Variants in CERS3 observed in about 807,000 individuals in gnomAD.
The protein encoded by CERS3 is ceramide synthase 3, also known as LAG1 homolog, ceramide synthase 3.
In CERS3, 33 loss-of-function variants were observed where a neutral mutation model predicts 50.3. The ratio of observed to expected loss-of-function variants is 0.66; its 90% CI spans 0.50 to 0.88. CERS3 has a LOEUF of 0.88. Ranked by LOEUF, CERS3 falls within the 40% of genes least tolerant of loss-of-function variation. The pLI is 0.00. For missense variants in CERS3, 470 were observed against 460.3 expected (o/e 1.02, Z -0.19); for synonymous variants, 176 against 155.2 (o/e 1.13, Z -0.99).
At position 100,469,422 on chromosome 15, in the gene CERS3, G is replaced by A. The variant is rs2034890106; in HGVS notation, c.801C>T (p.Phe267=). The A allele has an allele frequency of 1.1e-5, 18 of 1,613,910 alleles. No homozygotes were observed. The highest frequency in any genetic ancestry group is 1.4e-5 in the Non-Finnish European group (17 of 1,179,940). The change falls in exon 10 of 12, where the codon TTC becomes TTT. Residue 267 remains phenylalanine (F), a synonymous_variant. Coordinates refer to ENST00000679737, the MANE Select transcript of CERS3 (RefSeq NM_001378789.1). ...GGCGGCTGATGAAAAATATGGTGGA[G>A]AAGATGAAAAACAGGGTGTTACAGG... ...TQTCNTLFFI[F]STIFFISRLI...
chr15:100,512,128 A>G (rs1226235944), intron 2 of CERS3, among the ~76,000 whole-genome samples: 2 of 152,136 alleles, frequency 1.3e-5, no homozygotes, highest in Admixed American at 6.5e-5. Context: ...GAGGAGCATC[A>G]TGAGTCTTTG....
chr15:100,440,498 C>A (rs1303147196), intron 11 of CERS3, among the ~76,000 whole-genome samples: 1 of 152,242 alleles, frequency 6.6e-6, no homozygotes, highest in Non-Finnish European at 1.5e-5. Flanking sequence ...CCCCTATCTC[C>A]CTTCACTGAC....
chr15:100,533,661 G>A (rs1386532924), upstream of CERS3, among the ~76,000 whole-genome samples: 10 of 148,274 alleles, frequency 6.7e-5, no homozygotes, highest in African/African-American at 2.0e-4. Flanking sequence ...GGGTTGAAGC[G>A]ATTCTCCTGC....
intron 11 of CERS3, among the ~76,000 whole-genome samples, chr15:100,430,500 CTG>C (rs2033071854): frequency 6.6e-6 from 1 of 152,150 alleles, no homozygotes. Flanking sequence ...AATCATAGTG[CTG>C]TGTTTTTGAA....
At chr15:100,458,423 A>T (rs1250023777) in intron 10 of CERS3, among the ~76,000 whole-genome samples, 1 of 151,906 alleles carries the variant, frequency 6.6e-6, no homozygotes, top group Non-Finnish European at 1.5e-5. Flanking sequence ...CATATCTACT[A>T]AAAAATATAA....
intron 11 of CERS3, among the ~76,000 whole-genome samples, chr15:100,434,697 C>T (rs2033307990): frequency 6.6e-6 from 1 of 152,080 alleles, no homozygotes; most frequent in African/African-American, 2.4e-5. Context: ...AGCTCTCTGG[C>T]CTAAGAACAC....
chr15:100,538,059 C>T (rs770220064), intron 1 of CERS3, among the ~76,000 whole-genome samples: 12 of 152,220 alleles, frequency 7.9e-5, no homozygotes, highest in Non-Finnish European at 1.5e-4. Flanking sequence ...GCAGTTAAAT[C>T]TTAAAGTTCC....
At chr15:100,511,220 C>T (rs1224424421) in intron 2 of CERS3, among the ~76,000 whole-genome samples, 3 of 151,978 alleles carry the variant, frequency 2.0e-5, no homozygotes, top group South Asian at 2.1e-4. Flanking sequence ...ACCCTGGAGG[C>T]GGAGGTTGTA....
chr15:100,445,443 C>T (rs942896351), intron 11 of CERS3, among the ~76,000 whole-genome samples: 2 of 152,212 alleles, frequency 1.3e-5, no homozygotes, highest in South Asian at 2.1e-4. Flanking sequence ...CCTCCTTTGG[C>T]ACTCTCTAAT....
chr15:100,402,730 C>T lies in CERS3; in HGVS notation c.1135G>A (p.Gly379Ser). 1 of 1,614,140 alleles carries T rather than the reference C, an allele frequency of 6.2e-7. No individual in the cohort carries two copies. Among genetic ancestry groups the T allele is most frequent in the Non-Finnish European group, 8.5e-7 (1 of 1,180,032 alleles). ...GCTTCCAGCTAATGGCCATGCTGGC[C>T]ATTGGGAATGAGGTGCCTCTCAGCC... The part of the protein sequence containing the change: ...LRAERHLIPN[G>S]QHGH The change falls in exon 12 of 12, where the codon GGC (glycine) becomes AGC (serine). Residue 379 changes from glycine (G) to serine (S), a missense_variant. Coordinates refer to ENST00000679737, the MANE Select transcript of CERS3 (RefSeq NM_001378789.1).
intron 11 of CERS3, among the ~76,000 whole-genome samples, chr15:100,413,203 T>C (rs1479484128): frequency 6.6e-6 from 1 of 152,160 alleles, no homozygotes; most frequent in Non-Finnish European, 1.5e-5. Flanking sequence ...AAAACAGCTT[T>C]ACATTCACAG....
At chr15:100,444,552 G>A (rs537731446) in intron 11 of CERS3, among the ~76,000 whole-genome samples, 35 of 152,280 alleles carry the variant, frequency 2.3e-4, no homozygotes, top group African/African-American at 4.1e-4. Flanking sequence ...AGTACAAGCC[G>A]CTAGCCCGCC....
At chr15:100,467,811 C>CTATATATATGTGTATATATATACGTGTA (rs1567639846) in intron 10 of CERS3, among the ~76,000 whole-genome samples, 12 of 125,268 alleles carry the variant, frequency 9.6e-5, no homozygotes, top group African/African-American at 3.6e-4. Flanking sequence ...ATATATACGT[C>CTATATATATGTGTATATATATACGTGTA]TATATATATG....
intron 5 of CERS3, among the ~76,000 whole-genome samples, chr15:100,481,343 T>C (rs1245440152): frequency 1.3e-5 from 2 of 152,202 alleles, no homozygotes; most frequent in African/African-American, 4.8e-5. Context: ...TAGGGTTCAA[T>C]AGTCAAAAAG....
chr15:100,421,488 C>T (rs1347896176), intron 11 of CERS3, among the ~76,000 whole-genome samples: 9 of 152,022 alleles, frequency 5.9e-5, no homozygotes, highest in Admixed American at 1.3e-4. Context: ...GAAACAATAT[C>T]GTGAAAATGG....
chr15:100,513,123 T>C (rs995965394), intron 2 of CERS3, among the ~76,000 whole-genome samples: 16 of 152,186 alleles, frequency 1.1e-4, no homozygotes, highest in African/African-American at 3.9e-4. Flanking sequence ...GGTCTTCCCT[T>C]CAAGATGTGT....
intron 11 of CERS3, among the ~76,000 whole-genome samples, chr15:100,443,665 A>T (rs2033805561): frequency 7.1e-6 from 1 of 140,796 alleles, no homozygotes; most frequent in African/African-American, 2.5e-5. Flanking sequence ...AAAGCTTCAC[A>T]GACAGCCCCC....
intron 11 of CERS3, among the ~76,000 whole-genome samples, chr15:100,451,165 G>A (rs1180549582): frequency 2.6e-5 from 4 of 151,982 alleles, no homozygotes; most frequent in South Asian, 2.1e-4. Context: ...GGACTCAAAT[G>A]TTACCACTGC....
At chr15:100,543,622 T>C (rs926413267) in intron 1 of CERS3, among the ~76,000 whole-genome samples, 7 of 151,700 alleles carry the variant, frequency 4.6e-5, no homozygotes, top group African/African-American at 1.7e-4. Flanking sequence ...CTCTGCCTCC[T>C]GGGTTCAAGC....
Sources: allele counts gnomAD v4.1 joint callset (sites outside exome capture counted in the v4.1 genomes callset), GRCh38; gene constraint gnomAD v4.1.1; transcripts MANE v1.5; gene names NCBI Gene and HGNC (gene_info 2026-07-23, HGNC 2026-07-21).